Variants in CTNNA3 observed in about 807,000 individuals in gnomAD.
CTNNA3 encodes catenin alpha 3.
In CTNNA3, 76 loss-of-function variants were observed where a neutral mutation model predicts 95.7. That is an observed-to-expected ratio of 0.79 (90% CI 0.66 to 0.96). CTNNA3 has a LOEUF of 0.96. Ranked by LOEUF, CTNNA3 falls within the 40% of genes least tolerant of loss-of-function variation. The probability of loss-of-function intolerance (pLI) is 0.00; values close to 1 mark genes in which losing one functional copy is unlikely to be tolerated. For synonymous variants in CTNNA3, 431 were observed against 374.4 expected, an observed-to-expected ratio of 1.15 and a Z score of -1.74; for missense variants, 1,191 against 1,089.8, an observed-to-expected ratio of 1.09 and a Z score of -1.31.
intron 13 of CTNNA3, among the ~76,000 whole-genome samples, chr10:66,222,628 AAG>A (rs767144186): frequency 0.012 from 1,849 of 149,448 alleles, 19 homozygotes; most frequent in Non-Finnish European, 0.019. Flanking sequence ...AAGAAAAAGA[AAG>A]AAAGAAAGAA....
intron 13 of CTNNA3, among the ~76,000 whole-genome samples, chr10:66,127,679 C>T (rs1048741896): frequency 4.6e-5 from 7 of 152,130 alleles, no homozygotes; most frequent in Non-Finnish European, 8.8e-5. Context: ...AAATCATGAA[C>T]TTAATATTAC....
intron 10 of CTNNA3, among the ~76,000 whole-genome samples, chr10:66,572,144 G>T (rs1047254043): frequency 6.6e-6 from 1 of 151,910 alleles, no homozygotes; most frequent in Non-Finnish European, 1.5e-5. Context: ...GCACTATGAG[G>T]GGTTGGGGCA....
intron 1 of CTNNA3, among the ~76,000 whole-genome samples, chr10:67,709,295 C>T (rs770687458): frequency 2.6e-5 from 4 of 152,102 alleles, no homozygotes; most frequent in African/African-American, 7.2e-5. Flanking sequence ...ATTAAAACTG[C>T]GCCAAAAAAT....
chr10:67,744,950 C>T (rs2131743120), intron 1 of CTNNA3, among the ~76,000 whole-genome samples: 1 of 152,036 alleles, frequency 6.6e-6, no homozygotes, highest in Admixed American at 6.6e-5. Context: ...AAATCAAAAC[C>T]ACAATGAGAT....
At chr10:67,701,362 G>A (rs918657671) in intron 1 of CTNNA3, among the ~76,000 whole-genome samples, 1 of 152,160 alleles carries the variant, frequency 6.6e-6, no homozygotes. Flanking sequence ...AAAATGGTAA[G>A]GGCAGCCAGA....
chr10:67,726,458 G>GATATAATATATAATATT (rs1841222474), intron 1 of CTNNA3, among the ~76,000 whole-genome samples: 2 of 13,622 alleles, frequency 1.5e-4, no homozygotes, highest in African/African-American at 1.5e-4. Context: ...TATTATATAT[G>GATATAATATATAATATT]ATATATGATA....
chr10:66,784,752 T>C (rs1191604586), intron 7 of CTNNA3, among the ~76,000 whole-genome samples: 2 of 152,052 alleles, frequency 1.3e-5, no homozygotes, highest in African/African-American at 4.8e-5. Flanking sequence ...ATAATAAAGG[T>C]ATAAAGGTCA....
At chr10:66,486,207 G>T (rs1243514474) in intron 11 of CTNNA3, among the ~76,000 whole-genome samples, 1 of 152,094 alleles carries the variant, frequency 6.6e-6, no homozygotes, top group Non-Finnish European at 1.5e-5. Flanking sequence ...ATAAAAATGG[G>T]ATTACATCAA....
chr10:66,287,346 G>A (rs941981488), intron 12 of CTNNA3, among the ~76,000 whole-genome samples: 5 of 152,054 alleles, frequency 3.3e-5, no homozygotes, highest in African/African-American at 1.2e-4. Context: ...TACTGTATGT[G>A]TTTTCTTGTA....
chr10:66,950,748 C>A (rs940966216), intron 7 of CTNNA3, among the ~76,000 whole-genome samples: 1 of 152,064 alleles, frequency 6.6e-6, no homozygotes, highest in African/African-American at 2.4e-5. Flanking sequence ...TATTCAGCTG[C>A]AACTATTTAA....
intron 7 of CTNNA3, among the ~76,000 whole-genome samples, chr10:67,018,338 G>T (rs985664474): frequency 2.0e-5 from 3 of 152,070 alleles, no homozygotes; most frequent in Non-Finnish European, 2.9e-5. Flanking sequence ...CCTGATTCCT[G>T]ATTTTCTTCA....
intron 10 of CTNNA3, among the ~76,000 whole-genome samples, chr10:66,585,686 T>C (rs1163037018): frequency 6.6e-6 from 1 of 152,050 alleles, no homozygotes; most frequent in Non-Finnish European, 1.5e-5. Context: ...TTATGTTGGT[T>C]TTCAACTTTC....
chr10:66,218,962 T>C (rs1029399171), intron 13 of CTNNA3, among the ~76,000 whole-genome samples: 3 of 152,220 alleles, frequency 2.0e-5, no homozygotes, highest in African/African-American at 7.2e-5. Flanking sequence ...AAAGACTCCT[T>C]TGTAACTTCC....
rs771004826 is a variant in CTNNA3 at position 66,927,687 on chromosome 10, G to T, written c.1048-152163C>A. ...CCTGGACCTGGAGCTCCTTACAAAGGCTTGATTTATCAGGCAATGAGATCG... is the reference window on the plus strand; with the variant it reads ...CCTGGACCTGGAGCTCCTTACAAAGTCTTGATTTATCAGGCAATGAGATCG... On this transcript the variant is annotated intron_variant, in intron 7 of 17. Coordinates refer to ENST00000433211, the MANE Select transcript of CTNNA3 (RefSeq NM_013266.4). The surrounding 1 kb of genome is among the most constrained non-coding windows in gnomAD (Gnocchi z 4.7). 2 of 1,613,924 alleles carry T rather than the reference G, an allele frequency of 1.2e-6. No homozygotes were observed. The highest frequency in any genetic ancestry group is 1.7e-6 in the Non-Finnish European group (2 of 1,180,032).
chr10:66,100,180 A>C (rs963834523), intron 14 of CTNNA3, among the ~76,000 whole-genome samples: 10 of 152,156 alleles, frequency 6.6e-5, no homozygotes, highest in Non-Finnish European at 1.5e-5. Flanking sequence ...CACAGTATCA[A>C]CATGGTTACT....
At chr10:67,547,332 A>ATCAC (rs1201294734) in intron 3 of CTNNA3, among the ~76,000 whole-genome samples, 9 of 152,206 alleles carry the variant, frequency 5.9e-5, no homozygotes, top group African/African-American at 1.9e-4. Context: ...ACATCAAAGG[A>ATCAC]TCACTCAATC....
chr10:67,100,991 A>G (rs1009652150), intron 7 of CTNNA3, among the ~76,000 whole-genome samples: 1 of 151,766 alleles, frequency 6.6e-6, no homozygotes, highest in Non-Finnish European at 1.5e-5. Context: ...CATGTTGTTT[A>G]GTAATCCCTA....
rs188952361 is a variant in CTNNA3 at position 66,437,011 on chromosome 10, C to A, written c.1532-57659G>T. 3.9e-5 allele frequency among the ~76,000 whole-genome samples: 6 copies of A among 152,084 alleles called. No individual in the cohort carries two copies. In the East Asian group the frequency reaches 9.7e-4, roughly 25 times the overall value. ...TCTTTTCTTTAAGAATGTTGAATAT[C>A]AGCCCCCACCCTCTTCTGGCTTGTA... On this transcript the variant is annotated intron_variant, in intron 11 of 17. Transcript: ENST00000433211.
At chr10:67,754,113 A>T (rs1589589904) in intron 1 of CTNNA3, among the ~76,000 whole-genome samples, 1 of 152,224 alleles carries the variant, frequency 6.6e-6, no homozygotes, top group Non-Finnish European at 1.5e-5. Context: ...GTACATACAC[A>T]CCATGGAATG....
Sources: gnomAD v4.1 joint callset for allele counts (sites outside exome capture counted in the v4.1 genomes callset) on GRCh38, gnomAD v4.1.1 for gene constraint, Gnocchi (gnomAD v3.1) non-coding constraint, MANE v1.5 for transcripts, NCBI Gene and HGNC (gene_info 2026-07-23, HGNC 2026-07-21) for gene names.